The following UNC5B variants were observed in gnomAD, a reference collection of about 807,000 sequenced individuals.
UNC5B encodes the protein unc-5 netrin receptor B, also known as netrin receptor UNC5B.
UNC5B carries 56 observed loss-of-function variants against 103.7 expected under a neutral mutation model. That is an observed-to-expected ratio of 0.54 (90% CI 0.44 to 0.67). UNC5B has a LOEUF of 0.67. Among genes scored for constraint, UNC5B ranks in the 30% least tolerant of loss-of-function variants. The pLI, the probability that UNC5B is intolerant of heterozygous loss-of-function variation, is 0.00. For missense variants in UNC5B, 1,194 were observed against 1,284.5 expected (o/e 0.93, Z 1.08); for synonymous variants, 577 against 542.0 (o/e 1.06, Z -0.90).
intron 1 of UNC5B, among the ~76,000 whole-genome samples, chr10:71,244,966 G>A (rs1843992459): frequency 6.6e-6 from 1 of 152,244 alleles, no homozygotes; most frequent in African/African-American, 2.4e-5. Flanking sequence ...CTGGCTCCGT[G>A]CAGTGCATGT....
chr10:71,237,999 G>A (rs1489223253), intron 1 of UNC5B, among the ~76,000 whole-genome samples: 6 of 152,270 alleles, frequency 3.9e-5, no homozygotes, highest in South Asian at 2.1e-4. Context: ...AGAAGGGGAC[G>A]GGAGACAAGG....
intron 1 of UNC5B, among the ~76,000 whole-genome samples, chr10:71,251,485 TTATC>T (rs2132270799): frequency 6.6e-6 from 1 of 152,310 alleles, no homozygotes; most frequent in East Asian, 1.9e-4. Flanking sequence ...AGAGCACAGT[TTATC>T]TCCCCATCTG....
At chr10:71,274,091 G>T (rs368524609) in intron 1 of UNC5B, among the ~76,000 whole-genome samples, 1 of 152,184 alleles carries the variant, frequency 6.6e-6, no homozygotes, top group Non-Finnish European at 1.5e-5. Flanking sequence ...GGCTGGGTGC[G>T]GTGGCTCATG....
intron 10 of UNC5B, 146 bp from the exon 11 acceptor site, chr10:71,292,321 C>A: frequency 1.5e-6 from 1 of 682,670 alleles, no homozygotes; most frequent in Non-Finnish European, 2.5e-6. Flanking sequence ...TGCATCCAGT[C>A]CCCAGACCCT....
chr10:71,220,992 G>A (rs1163146297), intron 1 of UNC5B, among the ~76,000 whole-genome samples: 1 of 152,206 alleles, frequency 6.6e-6, no homozygotes, highest in African/African-American at 2.4e-5. Flanking sequence ...GATCCATACA[G>A]GATGTGGGGT....
chr10:71,295,803 G>T lies in UNC5B; in HGVS notation c.2176-8G>T. The T allele has an allele frequency of 1.2e-6, 2 of 1,611,130 alleles. No individual in the cohort carries two copies. Among genetic ancestry groups the T allele is most frequent in the Middle Eastern group, 2.1e-4 (1 of 4,702 alleles). On this transcript the variant is annotated splice_polypyrimidine_tract_variant and splice_region_variant and intron_variant, in intron 13 of 16. Coordinates refer to ENST00000335350, the MANE Select transcript of UNC5B (RefSeq NM_170744.5). ...TGGGTTCCCCTTCCCCATGCCCCTGGCCCACAGGAGGTGCTGGAGCTGGAG... is the reference window on the plus strand; with the variant it reads ...TGGGTTCCCCTTCCCCATGCCCCTGTCCCACAGGAGGTGCTGGAGCTGGAG...
intron 1 of UNC5B, among the ~76,000 whole-genome samples, chr10:71,270,491 G>C (rs1462675999): frequency 6.6e-6 from 1 of 152,164 alleles, no homozygotes; most frequent in Non-Finnish European, 1.5e-5. Flanking sequence ...CACCACTAGA[G>C]GGCAGGGTTT....
At chr10:71,229,259 G>A (rs760285758) in intron 1 of UNC5B, among the ~76,000 whole-genome samples, 16 of 152,184 alleles carry the variant, frequency 1.1e-4, no homozygotes, top group Admixed American at 2.6e-4. Flanking sequence ...GGGTGCATGG[G>A]GAGCAACAAG....
At chr10:71,285,804 C>T (rs945343109) in intron 4 of UNC5B, among the ~76,000 whole-genome samples, 3 of 152,192 alleles carry the variant, frequency 2.0e-5, no homozygotes, top group Non-Finnish European at 4.4e-5. Flanking sequence ...TGTTCTCCCC[C>T]ACGAGCTGAT....
At chr10:71,261,337 AG>A (rs1473994791) in intron 1 of UNC5B, among the ~76,000 whole-genome samples, 1 of 152,180 alleles carries the variant, frequency 6.6e-6, no homozygotes, top group Non-Finnish European at 1.5e-5. Flanking sequence ...ACAATTTATT[AG>A]TGATGCTTGC....
In UNC5B at chr10:71,213,974, C is replaced by T. The variant is rs911140146; in HGVS notation, c.79+910C>T. Reference sequence around the variant, plus strand: ...GTGGATGAATACGTTTCTCGCTCGTCCTGTAGCTGGACCCGGCGTCGCTGG... The same window carrying T: ...GTGGATGAATACGTTTCTCGCTCGTTCTGTAGCTGGACCCGGCGTCGCTGG... On this transcript the variant is annotated intron_variant, in intron 1 of 16. Coordinates refer to ENST00000335350, the MANE Select transcript of UNC5B (RefSeq NM_170744.5). This position sits in a 1 kb window ranked among gnomAD's most constrained non-coding sequence, Gnocchi z 4.1. Among the ~76,000 whole-genome samples, 1 of 151,892 alleles carries T rather than the reference C, an allele frequency of 6.6e-6. No homozygotes were observed. The highest frequency in any genetic ancestry group is 1.5e-5 in the Non-Finnish European group (1 of 67,966).
intron 16 of UNC5B, 98 bp from the exon 17 acceptor site, chr10:71,299,014 C>T: frequency 6.6e-7 from 1 of 1,504,272 alleles, no homozygotes; most frequent in Non-Finnish European, 9.1e-7. Flanking sequence ...GACACCAAAG[C>T]TCACAGCCTT....
chr10:71,282,961 C>CA (rs5786032), intron 2 of UNC5B, among the ~76,000 whole-genome samples: 36,310 of 151,242 alleles, frequency 0.24, 5,289 homozygotes, highest in African/African-American at 0.41. Flanking sequence ...CAAAAAAATA[C>CA]AAAAAAAAAT....
intron 2 of UNC5B, 106 bp downstream of exon 2, chr10:71,280,151 G>A: frequency 1.7e-5 from 22 of 1,278,906 alleles, no homozygotes; most frequent in Middle Eastern, 2.6e-4. Flanking sequence ...CCTTGGATTA[G>A]CATTTCCCCA....
rs748505448 is a variant in UNC5B at position 71,291,694 on chromosome 10, C to A, written c.1557C>A (p.Thr519=). The A allele has an allele frequency of 6.2e-7, 1 of 1,613,320 alleles. No individual in the cohort carries two copies. The highest frequency in any genetic ancestry group is 8.5e-7 in the Non-Finnish European group (1 of 1,180,028). ...GTYPSDFARD[T]HFLHLRSASL... Reference sequence around the variant, plus strand: ...ACCCTAGCGATTTCGCCCGGGACACCCACTTCCTGCACCTGCGCAGCGCCA... The same window carrying A: ...ACCCTAGCGATTTCGCCCGGGACACACACTTCCTGCACCTGCGCAGCGCCA... The change falls in exon 10 of 17, where the codon ACC becomes ACA. Residue 519 remains threonine (T), a synonymous_variant. Transcript: ENST00000335350.
Position 71,291,045 on chromosome 10 carries a change from C to T in UNC5B, c.1230C>T (p.Ile410=). The change falls in exon 9 of 17, where the codon ATC becomes ATT. Residue 410 remains isoleucine, a synonymous_variant. Transcript: ENST00000335350. ...RRNCRDFDTD[I]TDSSAALTGG... is the part of the protein sequence containing the mutation. ...ACTGCCGTGACTTCGACACAGACAT[C>T]ACTGACTCATCTGCTGCCCTGACTG... 1 of 1,614,202 alleles carries T rather than the reference C, an allele frequency of 6.2e-7. No individual in the cohort carries two copies. The highest frequency in any genetic ancestry group is 8.5e-7 in the Non-Finnish European group (1 of 1,180,038).
chr10:71,236,846 C>T (rs954402912), intron 1 of UNC5B, among the ~76,000 whole-genome samples: 1 of 152,248 alleles, frequency 6.6e-6, no homozygotes, highest in Non-Finnish European at 1.5e-5. Flanking sequence ...TCATTCCCTT[C>T]TCTGTGCCTC....
At chr10:71,298,828 A>G (rs1023472515) in intron 16 of UNC5B, among the ~76,000 whole-genome samples, 5 of 152,188 alleles carry the variant, frequency 3.3e-5, no homozygotes, top group Admixed American at 6.5e-5. Flanking sequence ...AGATGGTTAC[A>G]TGCTAGAGAC....
intron 16 of UNC5B, 64 bp from the exon 17 acceptor site, chr10:71,299,048 A>G: frequency 1.3e-6 from 2 of 1,591,446 alleles, no homozygotes; most frequent in Non-Finnish European, 1.7e-6. Flanking sequence ...GTGCCCCTTC[A>G]CCTCCAGGCT....
Sources: gnomAD v4.1 joint callset for allele counts (sites outside exome capture counted in the v4.1 genomes callset) on GRCh38, gnomAD v4.1.1 for gene constraint, Gnocchi (gnomAD v3.1) non-coding constraint, MANE v1.5 for transcripts, NCBI Gene and HGNC (gene_info 2026-07-23, HGNC 2026-07-21) for gene names.